The following NR2F1-AS1 variants were observed in gnomAD, a reference collection of about 807,000 sequenced individuals.
NR2F1-AS1 encodes the protein NR2F1 antisense RNA 1.
intron 4 of NR2F1-AS1, among the ~76,000 whole-genome samples, chr5:93,458,960 C>T (rs1454015981): frequency 9.3e-5 from 14 of 151,076 alleles, no homozygotes; most frequent in South Asian, 6.3e-4. Flanking sequence ...TGCAGTGAGC[C>T]GAGATCACAC....
chr5:93,548,640 A>G (rs1752148623), intron 4 of NR2F1-AS1, among the ~76,000 whole-genome samples: 2 of 152,078 alleles, frequency 1.3e-5, no homozygotes, highest in South Asian at 4.1e-4. Context: ...AGGTGGGTGG[A>G]TCATTTGAGA....
chr5:93,531,755 T>G (rs1751740776), intron 4 of NR2F1-AS1, among the ~76,000 whole-genome samples: 1 of 152,190 alleles, frequency 6.6e-6, no homozygotes, highest in Admixed American at 6.6e-5. Context: ...ATCGAAGTTA[T>G]AACTCCGTAG....
chr5:93,565,818 C>T (rs1266140161), intron 1 of NR2F1-AS1, among the ~76,000 whole-genome samples: 1 of 151,266 alleles, frequency 6.6e-6, no homozygotes, highest in Non-Finnish European at 1.5e-5. Context: ...AAAAAAAAAG[C>T]GTAATGTGCT....
intron 4 of NR2F1-AS1, among the ~76,000 whole-genome samples, chr5:93,514,616 A>G (rs1241774169): frequency 6.6e-6 from 1 of 152,114 alleles, no homozygotes; most frequent in Non-Finnish European, 1.5e-5. Flanking sequence ...TTATTAACAT[A>G]TCTCTTTTAT....
At chr5:93,532,170 T>C (rs961913027) in intron 4 of NR2F1-AS1, among the ~76,000 whole-genome samples, 4 of 152,184 alleles carry the variant, frequency 2.6e-5, no homozygotes, top group Non-Finnish European at 5.9e-5. Flanking sequence ...CCCAAGTTTT[T>C]CTGCCAATAT....
intron 1 of NR2F1-AS1, among the ~76,000 whole-genome samples, chr5:93,577,381 A>T (rs1005148679): frequency 6.6e-6 from 1 of 152,236 alleles, no homozygotes; most frequent in Non-Finnish European, 1.5e-5. Context: ...TCATGGTTTG[A>T]CTATATGTGC....
At chr5:93,501,779 G>T (rs1051448568) in intron 4 of NR2F1-AS1, among the ~76,000 whole-genome samples, 4 of 152,116 alleles carry the variant, frequency 2.6e-5, no homozygotes, top group Admixed American at 1.3e-4. Flanking sequence ...GCAGCAGCAG[G>T]GTTTGAGAGA....
Position 93,569,131 on chromosome 5 carries a change from T to G in NR2F1-AS1, n.314-5668A>C, listed in dbSNP as rs185838906. Among the ~76,000 whole-genome samples the G allele has an allele frequency of 2.6e-3, 394 of 152,290 alleles. 2 individuals carry two copies. The highest frequency in any genetic ancestry group is 6.8e-3 in the Middle Eastern group (2 of 294). ...ACACGCACCCACACACCTCAACCCT[T>G]ACCTTGTCACCTAACAAGGTTTCAA... is the stretch of plus-strand genomic sequence containing the variant. On this transcript the variant is annotated intron_variant and non_coding_transcript_variant, in intron 1 of 5. Coordinates refer to ENST00000660523, the Ensembl canonical transcript of NR2F1-AS1.
At chr5:93,418,229 C>A (rs1171988361) in intron 4 of NR2F1-AS1, among the ~76,000 whole-genome samples, 1 of 152,170 alleles carries the variant, frequency 6.6e-6, no homozygotes, top group Admixed American at 6.5e-5. Flanking sequence ...AGGGGGCCAG[C>A]TTGCCGAGGA....
intron 4 of NR2F1-AS1, among the ~76,000 whole-genome samples, chr5:93,497,098 T>A (rs1167987051): frequency 6.6e-6 from 1 of 152,188 alleles, no homozygotes. Flanking sequence ...AGGCCTTTTT[T>A]TTTTCAGTTA....
At chr5:93,522,150 T>TA (rs1751514518) in intron 4 of NR2F1-AS1, among the ~76,000 whole-genome samples, 1 of 152,160 alleles carries the variant, frequency 6.6e-6, no homozygotes, top group East Asian at 1.9e-4. Context: ...AAGTGGGACC[T>TA]AAATGATAAC....
upstream of NR2F1-AS1, chr5:93,585,583 C>A: frequency 1.0e-6 from 1 of 976,386 alleles, no homozygotes; most frequent in Non-Finnish European, 1.5e-6. Context: ...GGGGCTGGGG[C>A]TCCTGTGGTC....
At position 93,442,262 on chromosome 5, in the gene NR2F1-AS1, G is replaced by A. The variant is rs149753478; in HGVS notation, n.639-46720C>T. Reference sequence around the variant, plus strand: ...CGGGGCATCACCTCACCCAGGAAGCGCAAGGGGTTGGGCAATTCCCTTTCC... The same window carrying A: ...CGGGGCATCACCTCACCCAGGAAGCACAAGGGGTTGGGCAATTCCCTTTCC... On this transcript the variant is annotated intron_variant and non_coding_transcript_variant, in intron 4 of 5. Coordinates refer to ENST00000660523, the Ensembl canonical transcript of NR2F1-AS1. Among the ~76,000 whole-genome samples, 1,475 of 152,308 alleles carry A rather than the reference G, an allele frequency of 9.7e-3. 21 individuals are homozygous for A. Among genetic ancestry groups the A allele is most frequent in the South Asian group, 0.047 (226 of 4,826 alleles).
intron 4 of NR2F1-AS1, among the ~76,000 whole-genome samples, chr5:93,480,560 A>T (rs1750579759): frequency 6.6e-6 from 1 of 152,196 alleles, no homozygotes; most frequent in Non-Finnish European, 1.5e-5. Flanking sequence ...CAATGAAATA[A>T]AAGTCACTGA....
intron 1 of NR2F1-AS1, among the ~76,000 whole-genome samples, chr5:93,564,385 A>G (rs1189993470): frequency 6.6e-6 from 1 of 152,148 alleles, no homozygotes; most frequent in East Asian, 1.9e-4. Flanking sequence ...CATAGGACAG[A>G]CATGGCACTG....
At chr5:93,492,180 A>G (rs1047842958) in intron 4 of NR2F1-AS1, among the ~76,000 whole-genome samples, 2 of 152,208 alleles carry the variant, frequency 1.3e-5, no homozygotes, top group Admixed American at 6.5e-5. Flanking sequence ...ATTTACACCA[A>G]CAAATTAGGT....
chr5:93,561,011 C>G (rs994595877), intron 2 of NR2F1-AS1, among the ~76,000 whole-genome samples: 2 of 152,216 alleles, frequency 1.3e-5, no homozygotes, highest in African/African-American at 4.8e-5. Context: ...TGGTGGCTCA[C>G]GCCTGTAATC....
intron 4 of NR2F1-AS1, among the ~76,000 whole-genome samples, chr5:93,494,235 T>C (rs1000973783): frequency 2.6e-5 from 4 of 152,174 alleles, no homozygotes; most frequent in Admixed American, 2.6e-4. Flanking sequence ...AGATCTCTAG[T>C]AAGCACATGA....
intron 2 of NR2F1-AS1, among the ~76,000 whole-genome samples, chr5:93,562,864 A>G (rs902199844): frequency 1.3e-5 from 2 of 152,248 alleles, no homozygotes; most frequent in Non-Finnish European, 2.9e-5. Context: ...TTCGAGAACA[A>G]TAAGCACAAT....
Sources: allele counts gnomAD v4.1 joint callset (sites outside exome capture counted in the v4.1 genomes callset), GRCh38; gene constraint gnomAD v4.1.1; transcripts MANE v1.5; gene names NCBI Gene and HGNC (gene_info 2026-07-23, HGNC 2026-07-21).